The following R3HDM1 variants were observed in gnomAD, a reference collection of about 807,000 sequenced individuals.
R3HDM1 encodes the protein R3H domain-containing protein 1.
A neutral mutation model predicts 141.1 loss-of-function variants in R3HDM1; 46 were observed. The observed-to-expected ratio is 0.33, with a 90% CI of 0.26 to 0.42. The LOEUF (loss-of-function observed/expected upper bound fraction) is 0.42, where lower values mean the gene tolerates loss of function less well. Among genes scored for constraint, R3HDM1 ranks in the 10% least tolerant of loss-of-function variants. R3HDM1 has a pLI of 1.00. For synonymous variants in R3HDM1, 435 were observed against 472.9 expected (o/e 0.92, Z 1.04); for missense variants, 1,184 against 1,368.3 (o/e 0.87, Z 2.12).
intron 1 of R3HDM1, 60 bp from the exon 2 acceptor site, chr2:135,602,440 T>C (rs1574249002): frequency 1.8e-6 from 2 of 1,089,028 alleles, no homozygotes; most frequent in East Asian, 6.3e-5. Flanking sequence ...CAGTTTCATG[T>C]GGAGTGTTCC....
chr2:135,629,527 A>G (rs2062421301), intron 7 of R3HDM1, among the ~76,000 whole-genome samples: 1 of 152,216 alleles, frequency 6.6e-6, no homozygotes, highest in Admixed American at 6.5e-5. Context: ...TTCTATATAC[A>G]AATAGTTCAA....
chr2:135,723,874 T>G, intron 26 of R3HDM1, 63 bp from the exon 27 acceptor site: 2 of 1,326,848 alleles, frequency 1.5e-6, no homozygotes, highest in Non-Finnish European at 2.1e-6. Context: ...GGGTCTGCAG[T>G]GCTTTTTTAC....
intron 5 of R3HDM1, chr2:135,620,484 G>T: frequency 1.0e-6 from 1 of 981,040 alleles, no homozygotes; most frequent in African/African-American, 1.7e-5. Context: ...AAAACTGCCA[G>T]TGTGCATCAT....
intron 20 of R3HDM1, among the ~76,000 whole-genome samples, chr2:135,676,065 C>T (rs2069130454): frequency 6.6e-6 from 1 of 152,180 alleles, no homozygotes; most frequent in African/African-American, 2.4e-5. Context: ...GTGGCTCACA[C>T]CTGTAATGTC....
chr2:135,604,317 AT>A (rs1559218754), intron 2 of R3HDM1, among the ~76,000 whole-genome samples: 1 of 152,200 alleles, frequency 6.6e-6, no homozygotes, highest in Non-Finnish European at 1.5e-5. Flanking sequence ...GGAGAAAAAG[AT>A]TTCTAATGTC....
rs1553576638 is a variant in R3HDM1, at chr2:135,626,209, G to GTGTGTGCTTGCT, written c.497+3479_497+3480insTGTGCTTGCTTG. Among the ~76,000 whole-genome samples, 669 of 143,434 alleles carry GTGTGTGCTTGCT rather than the reference G, an allele frequency of 4.7e-3. 8 individuals are homozygous for GTGTGTGCTTGCT. Among genetic ancestry groups the GTGTGTGCTTGCT allele is most frequent in the East Asian group, 0.016 (83 of 5,098 alleles). 94.1% of individuals were successfully genotyped at this position (143,434 alleles called of 152,430 possible). ...CGTGCGTGCGTGCGTGCGTGCGTGC[G>GTGTGTGCTTGCT]TGCTTGCTTGCTTGCTTGCTTGCTT... On this transcript the variant is annotated intron_variant, in intron 7 of 26. Coordinates refer to ENST00000683871, the MANE Select transcript of R3HDM1 (RefSeq NM_001378107.1).
intron 19 of R3HDM1, 140 bp from the exon 20 acceptor site, chr2:135,675,192 A>G (rs1173050977): frequency 1.2e-6 from 1 of 808,980 alleles, no homozygotes; most frequent in Non-Finnish European, 1.9e-6. Flanking sequence ...ATGTTATTTC[A>G]TAATAGATGG....
At chr2:135,658,075 T>G (rs1397104474) in intron 18 of R3HDM1, among the ~76,000 whole-genome samples, 1 of 152,266 alleles carries the variant, frequency 6.6e-6, no homozygotes, top group Non-Finnish European at 1.5e-5. Flanking sequence ...TAGGCAATTA[T>G]ATCACAATGG....
At chr2:135,609,057 CTT>C (rs1168226549) in intron 3 of R3HDM1, among the ~76,000 whole-genome samples, 1 of 152,110 alleles carries the variant, frequency 6.6e-6, no homozygotes, top group Non-Finnish European at 1.5e-5. Context: ...TATGAAGAGA[CTT>C]TATGATTTTC....
intron 7 of R3HDM1, among the ~76,000 whole-genome samples, chr2:135,627,922 G>T (rs1447280304): frequency 1.3e-5 from 2 of 151,908 alleles, no homozygotes; most frequent in African/African-American, 4.8e-5. Flanking sequence ...ATTACTTCTG[G>T]AATAATGACT....
Position 135,567,151 on chromosome 2 carries a change from A to AT in R3HDM1, c.-249-35343dup, listed in dbSNP as rs1354056486. Reference sequence around the variant, plus strand: ...GCTTGGGATACAGATGAGTGTATGAATTTTTTGCAGTAACTGAGCAGTATC... The same window carrying AT: ...GCTTGGGATACAGATGAGTGTATGAATTTTTTTGCAGTAACTGAGCAGTATC... On this transcript the variant is annotated intron_variant, in intron 1 of 26. Coordinates refer to ENST00000683871, the MANE Select transcript of R3HDM1 (RefSeq NM_001378107.1). 2.6e-5 allele frequency among the ~76,000 whole-genome samples: 4 copies of AT among 152,128 alleles called. No individual in the cohort carries two copies. In the East Asian group the frequency reaches 5.8e-4, roughly 22 times the overall value.
chr2:135,636,032 G>A, intron 10 of R3HDM1, 34 bp downstream of exon 10: 1 of 1,610,646 alleles, frequency 6.2e-7, no homozygotes, highest in East Asian at 2.2e-5. Flanking sequence ...TTGTATAGGT[G>A]CAAGACATAC....
chr2:135,594,622 A>G (rs1322508422), intron 1 of R3HDM1, among the ~76,000 whole-genome samples: 2 of 152,214 alleles, frequency 1.3e-5, no homozygotes, highest in Non-Finnish European at 2.9e-5. Context: ...GGTTCGGGGT[A>G]AAAAAGAAGA....
chr2:135,562,240 A>G (rs1400306867), intron 1 of R3HDM1, among the ~76,000 whole-genome samples: 2 of 152,204 alleles, frequency 1.3e-5, no homozygotes, highest in African/African-American at 4.8e-5. Flanking sequence ...CAGGCTTTAC[A>G]TTTGATCTTT....
intron 3 of R3HDM1, among the ~76,000 whole-genome samples, chr2:135,609,991 C>T (rs1264338089): frequency 6.6e-6 from 1 of 151,984 alleles, no homozygotes; most frequent in Non-Finnish European, 1.5e-5. Flanking sequence ...TTGCAGTGAG[C>T]TGAAACCGTG....
At chr2:135,652,882 T>A (rs532313676) in intron 18 of R3HDM1, among the ~76,000 whole-genome samples, 6 of 152,186 alleles carry the variant, frequency 3.9e-5, no homozygotes, top group Non-Finnish European at 8.8e-5. Context: ...TGTTTCCGTT[T>A]CATGTTTCAA....
intron 9 of R3HDM1, 121 bp downstream of exon 9, chr2:135,632,122 A>G (rs1462405584): frequency 1.1e-6 from 1 of 871,900 alleles, no homozygotes; most frequent in African/African-American, 1.7e-5. Context: ...TTTTATGATA[A>G]CCTTATGTGA....
At chr2:135,573,028 A>ATCTACTGTCTCTAT (rs1704504279) in intron 1 of R3HDM1, among the ~76,000 whole-genome samples, 1 of 152,210 alleles carries the variant, frequency 6.6e-6, no homozygotes, top group Admixed American at 6.5e-5. Context: ...GCAATAGCTA[A>ATCTACTGTCTCTAT]AGAGGGCAGT....
chr2:135,658,781 T>TA (rs2066257367), intron 18 of R3HDM1, among the ~76,000 whole-genome samples: 1 of 152,186 alleles, frequency 6.6e-6, no homozygotes, highest in Non-Finnish European at 1.5e-5. Flanking sequence ...TTTATATCCT[T>TA]ATTCTAAAGT....
Sources: allele counts gnomAD v4.1 joint callset (sites outside exome capture counted in the v4.1 genomes callset), GRCh38; gene constraint gnomAD v4.1.1; transcripts MANE v1.5; gene names NCBI Gene and HGNC (gene_info 2026-07-23, HGNC 2026-07-21).